PLCB1: variants seen among roughly 807,000 people sequenced by gnomAD.
PLCB1 encodes 1-phosphatidylinositol 4,5-bisphosphate phosphodiesterase beta-1.
In PLCB1, 46 loss-of-function variants were observed where a neutral mutation model predicts 161.8. The ratio of observed to expected loss-of-function variants is 0.28; its 90% confidence interval spans 0.22 to 0.36. The LOEUF is 0.36. Among genes scored for constraint, PLCB1 ranks in the 10% least tolerant of loss-of-function variants. PLCB1 has a pLI of 1.00. For synonymous variants in PLCB1, 517 were observed against 503.7 expected (o/e 1.03, Z -0.35); for missense variants, 1,016 against 1,472.5 (o/e 0.69, Z 5.07).
intron 2 of PLCB1, among the ~76,000 whole-genome samples, chr20:8,183,083 A>G (rs2051863884): frequency 6.6e-6 from 1 of 152,192 alleles, no homozygotes; most frequent in African/African-American, 2.4e-5. Context: ...ACATGAGCAA[A>G]GATGAGGCTT....
chr20:8,363,372 A>T (rs1986605131), intron 2 of PLCB1, among the ~76,000 whole-genome samples: 1 of 152,068 alleles, frequency 6.6e-6, no homozygotes, highest in Admixed American at 6.6e-5. Flanking sequence ...GCCAGAATTC[A>T]GTTCCTTGTG....
At chr20:8,247,917 G>A (rs1460123964) in intron 2 of PLCB1, among the ~76,000 whole-genome samples, 1 of 151,964 alleles carries the variant, frequency 6.6e-6, no homozygotes, top group Admixed American at 6.6e-5. Context: ...GCCTAGGGCA[G>A]GGTCTGGAAG....
At chr20:8,589,602 ATCTC>A (rs1305498800) in intron 3 of PLCB1, among the ~76,000 whole-genome samples, 18 of 141,326 alleles carry the variant, frequency 1.3e-4, no homozygotes, top group Admixed American at 2.2e-4. Context: ...TCTGGGGTCA[ATCTC>A]TCTCTTTTTT....
At position 8,843,147 on chromosome 20, in the gene PLCB1, A is replaced by T. The variant is rs531165883; in HGVS notation, c.3424-38475A>T. ...TATTCTTTAATTGATGTTAACTTAC[A>T]CATTAAGTTTTTAAAATATTAGAAA... On this transcript the variant is annotated intron_variant, in intron 31 of 31. Transcript: ENST00000338037. Among the ~76,000 whole-genome samples the T allele has an allele frequency of 3.3e-5, 5 of 152,348 alleles. No homozygotes were observed. In the East Asian group the frequency reaches 9.6e-4, roughly 29 times the overall value.
Position 8,291,633 on chromosome 20 carries a change from C to T in PLCB1, c.178-79749C>T, listed in dbSNP as rs143189479. Reference sequence around the variant, plus strand: ...ACTTCTTGTGTTTTGTTACACAACTCGATGGCACATTTTCATTTTTGTTTT... The same window carrying T: ...ACTTCTTGTGTTTTGTTACACAACTTGATGGCACATTTTCATTTTTGTTTT... On this transcript the variant is annotated intron_variant, in intron 2 of 31. Transcript: ENST00000338037. Among the ~76,000 whole-genome samples the T allele has an allele frequency of 8.5e-5, 13 of 152,260 alleles. No homozygotes were observed. The East Asian group carries it at 2.3e-3, about 27-fold the overall frequency.
At chr20:8,344,337 C>T (rs1291299710) in intron 2 of PLCB1, among the ~76,000 whole-genome samples, 2 of 152,108 alleles carry the variant, frequency 1.3e-5, no homozygotes, top group Non-Finnish European at 2.9e-5. Flanking sequence ...AACTGGGCAC[C>T]GTGTCCTTAG....
At chr20:8,729,751 A>G (rs1175106075) in intron 18 of PLCB1, 1 of 151,986 alleles carries the variant, frequency 6.6e-6, no homozygotes, top group Non-Finnish European at 1.5e-5. Context: ...CTTTTGGAAA[A>G]TATTTTAAAA....
chr20:8,168,091 G>T (rs2051693443), intron 2 of PLCB1, among the ~76,000 whole-genome samples: 1 of 152,102 alleles, frequency 6.6e-6, no homozygotes, highest in Non-Finnish European at 1.5e-5. Flanking sequence ...TCTGAAACAG[G>T]GTGGAAGCTG....
rs377616378 is a variant in PLCB1 at position 8,209,759 on chromosome 20, A to G, written c.177+59388A>G. ...ATATAGAACATTTTATTCTAAGTAG[A>G]GGCAAACATACTGACATAGAAAATC... is the stretch of plus-strand genomic sequence containing the variant. On this transcript the variant is annotated intron_variant, in intron 2 of 31. Coordinates refer to ENST00000338037, the MANE Select transcript of PLCB1 (RefSeq NM_015192.4). Among the ~76,000 whole-genome samples the G allele has an allele frequency of 8.5e-5, 13 of 152,256 alleles. No individual in the cohort carries two copies. The East Asian group carries it at 9.7e-4, about 11-fold the overall frequency.
chr20:8,366,358 C>T (rs2122321042), intron 2 of PLCB1, among the ~76,000 whole-genome samples: 1 of 152,206 alleles, frequency 6.6e-6, no homozygotes, highest in African/African-American at 2.4e-5. Flanking sequence ...TAACAATGCA[C>T]AGAAATTGGG....
intron 26 of PLCB1, among the ~76,000 whole-genome samples, chr20:8,773,618 T>C (rs1179978938): frequency 2.0e-5 from 3 of 152,178 alleles, no homozygotes; most frequent in African/African-American, 7.2e-5. Context: ...GGTAAAGATA[T>C]CAGTGAAGTT....
chr20:8,880,856 C>CTTT (rs753470997), intron 31 of PLCB1: 2,993 of 105,836 alleles, frequency 0.028, 87 homozygotes, highest in African/African-American at 0.063. Flanking sequence ...TTCTTTCTTT[C>CTTT]TTTCTTTTTT....
At chr20:8,143,858 G>A (rs1051520289) in intron 1 of PLCB1, among the ~76,000 whole-genome samples, 1 of 152,170 alleles carries the variant, frequency 6.6e-6, no homozygotes, top group African/African-American at 2.4e-5. Context: ...TTAAAACCAT[G>A]TTTTCAACCC....
rs576724243 is a variant in PLCB1, at chr20:8,462,283, G to C, written c.246+90833G>C. On this transcript the variant is annotated intron_variant, in intron 3 of 31. Coordinates refer to ENST00000338037, the MANE Select transcript of PLCB1 (RefSeq NM_015192.4). ...AAACCTTTAAGCTCTTTTACTGTCT[G>C]CTGTGGTGTTGAGTTCTGAAAATAT... 3.3e-5 allele frequency among the ~76,000 whole-genome samples: 5 copies of C among 152,262 alleles called. No individual in the cohort carries two copies. The South Asian group carries it at 1.0e-3, about 32-fold the overall frequency.
In PLCB1 at chr20:8,461,777, A is replaced by T. The variant is rs960514481; in HGVS notation, c.246+90327A>T. On this transcript the variant is annotated intron_variant, in intron 3 of 31. Transcript: ENST00000338037. The stretch of plus-strand genomic sequence containing the variant: ...ATGTTACTTTGATTCTTTGCATTTT[A>T]TATTATTTTATGTGGAAGCAAACAA... Among the ~76,000 whole-genome samples the T allele has an allele frequency of 2.0e-5, 3 of 152,076 alleles. No individual in the cohort carries two copies. In the South Asian group the frequency reaches 6.2e-4, roughly 31 times the overall value.
At chr20:8,179,728 G>C (rs1285461923) in intron 2 of PLCB1, among the ~76,000 whole-genome samples, 1 of 151,522 alleles carries the variant, frequency 6.6e-6, no homozygotes, top group Non-Finnish European at 1.5e-5. Flanking sequence ...TCTTGTCCCA[G>C]TTCTCAAGGG....
intron 4 of PLCB1, among the ~76,000 whole-genome samples, chr20:8,644,257 T>A (rs1989067230): frequency 6.8e-6 from 1 of 147,418 alleles, no homozygotes; most frequent in South Asian, 2.2e-4. Flanking sequence ...TGGCCGCCCA[T>A]CGTCTGGGAC....
At chr20:8,569,659 A>G (rs1171289619) in intron 3 of PLCB1, among the ~76,000 whole-genome samples, 1 of 152,204 alleles carries the variant, frequency 6.6e-6, no homozygotes, top group East Asian at 1.9e-4. Flanking sequence ...GCAATCACTG[A>G]TATTTTTATA....
chr20:8,815,555 C>T (rs1468250008), intron 31 of PLCB1, among the ~76,000 whole-genome samples: 1 of 151,384 alleles, frequency 6.6e-6, no homozygotes. Context: ...GGAGCTGACA[C>T]TTTCATTTAG....
Sources: gnomAD v4.1 joint callset for allele counts (sites outside exome capture counted in the v4.1 genomes callset) on GRCh38, gnomAD v4.1.1 for gene constraint, MANE v1.5 for transcripts, NCBI Gene and HGNC (gene_info 2026-07-23, HGNC 2026-07-21) for gene names.